The following U2SURP variants were observed in gnomAD, a reference collection of about 807,000 sequenced individuals.
U2SURP encodes U2 snRNP-associated SURP motif-containing protein.
U2SURP carries 9 observed loss-of-function variants against 144.9 expected under a neutral mutation model. That is an observed-to-expected ratio of 0.06 (90% CI 0.04 to 0.11). U2SURP has a LOEUF of 0.11. U2SURP is among the 10% of genes least tolerant of loss of function. The pLI, the probability that U2SURP is intolerant of heterozygous loss-of-function variation, is 1.00. For missense variants in U2SURP, 724 were observed against 1,226.7 expected, an observed-to-expected ratio of 0.59 and a Z score of 6.12; for synonymous variants, 408 against 396.8, an observed-to-expected ratio of 1.03 and a Z score of -0.33.
chr3:143,014,857 C>T (rs1363285420), intron 4 of U2SURP, among the ~76,000 whole-genome samples: 3 of 152,056 alleles, frequency 2.0e-5, no homozygotes, highest in East Asian at 1.9e-4. Context: ...AAAATTCTAT[C>T]GAGGGCATTT....
intron 22 of U2SURP, 121 bp from the exon 23 acceptor site, chr3:143,038,773 A>G (rs1933942719): frequency 1.6e-6 from 1 of 635,090 alleles, no homozygotes; most frequent in Admixed American, 4.0e-5. Context: ...ATTGATAAAC[A>G]TAGATTAAAA....
intron 21 of U2SURP, 94 bp from the exon 22 acceptor site, chr3:143,038,014 C>A: frequency 1.2e-6 from 1 of 803,270 alleles, no homozygotes; most frequent in Non-Finnish European, 1.8e-6. Context: ...CCTTATTTTA[C>A]TTTGCTTTTT....
intron 3 of U2SURP, 32 bp from the exon 4 acceptor site, chr3:143,014,279 C>G (rs376548935): frequency 2.1e-6 from 3 of 1,434,252 alleles, no homozygotes; most frequent in Non-Finnish European, 2.9e-6. Context: ...CATTAAGAAT[C>G]TATATGTAAA....
Position 143,037,355 on chromosome 3 carries a change from T to C in U2SURP, c.2221+20T>C. 6.2e-7 allele frequency: 1 copy of C among 1,605,846 alleles called. No individual in the cohort carries two copies. Among genetic ancestry groups the C allele is most frequent in the East Asian group, 2.2e-5 (1 of 44,792 alleles). On this transcript the variant is annotated intron_variant, in intron 21 of 27. Coordinates refer to ENST00000473835, the MANE Select transcript of U2SURP (RefSeq NM_001080415.2). ...TGCCTTGTAAGTTCAGATTTCAAAC[T>C]GATTAAATCTAGCTAATACATTTGG...
intron 6 of U2SURP, among the ~76,000 whole-genome samples, chr3:143,017,580 A>G (rs934903258): frequency 6.6e-6 from 1 of 152,154 alleles, no homozygotes; most frequent in Non-Finnish European, 1.5e-5. Flanking sequence ...CAATGAAAAA[A>G]AAACCCCAGC....
chr3:143,002,500 A>T (rs1935588912), intron 1 of U2SURP: 1 of 152,128 alleles, frequency 6.6e-6, no homozygotes, highest in Admixed American at 6.6e-5. Context: ...GGGACATTTA[A>T]TCGTTTTTTG....
intron 1 of U2SURP, among the ~76,000 whole-genome samples, chr3:143,008,538 A>G (rs1265393314): frequency 6.6e-6 from 1 of 152,256 alleles, no homozygotes; most frequent in African/African-American, 2.4e-5. Context: ...TTTAGGTGTC[A>G]TTGACATTAT....
At chr3:143,007,569 G>A (rs1487303895) in intron 1 of U2SURP, among the ~76,000 whole-genome samples, 1 of 151,432 alleles carries the variant, frequency 6.6e-6, no homozygotes, top group Non-Finnish European at 1.5e-5. Context: ...AGCCTCCCGA[G>A]TAGCTGGGAC....
intron 2 of U2SURP, chr3:143,011,817 T>TA: frequency 5.2e-6 from 2 of 388,100 alleles, no homozygotes; most frequent in Admixed American, 6.4e-5. Flanking sequence ...GTATAACACT[T>TA]ATGCTTACCA....
At position 143,053,810 on chromosome 3, in the gene U2SURP, T is replaced by C; in HGVS notation, c.2774+16T>C. 1.3e-6 allele frequency: 2 copies of C among 1,561,752 alleles called. No homozygotes were observed. Among genetic ancestry groups the C allele is most frequent in the African/African-American group, 1.4e-5 (1 of 72,566 alleles). On this transcript the variant is annotated intron_variant, in intron 26 of 27. Transcript: ENST00000473835. The stretch of plus-strand genomic sequence containing the variant: ...GGAAGGAAAGGTATAACATTTCTCA[T>C]ATTTAATTGCATATACTGGTTTCAA...
intron 24 of U2SURP, among the ~76,000 whole-genome samples, chr3:143,047,261 C>A (rs1311777752): frequency 8.3e-5 from 6 of 72,456 alleles, no homozygotes; most frequent in African/African-American, 5.5e-4. Flanking sequence ...GGCGGCCGGC[C>A]TGGCGGGGGG....
Position 143,014,345 on chromosome 3 carries a change from T to C in U2SURP, c.257T>C (p.Ile86Thr). 5 of 1,609,356 alleles carry C rather than the reference T, an allele frequency of 3.1e-6. No homozygotes were observed. Among genetic ancestry groups the C allele is most frequent in the Non-Finnish European group, 4.2e-6 (5 of 1,177,498 alleles). Reference sequence around the variant, plus strand: ...GAAAACAAACTTAAAGCATTCAGTATTGGAAAAATGAGTACAGCTAAGCGA... The same window carrying C: ...GAAAACAAACTTAAAGCATTCAGTACTGGAAAAATGAGTACAGCTAAGCGA... ...LLENKLKAFSIGKMSTAKRTL... is the reference protein window; with the variant it reads ...LLENKLKAFSTGKMSTAKRTL... Residue 86 changes from isoleucine (I) to threonine (T), a missense_variant, in exon 4 of 28, where the codon ATT (isoleucine) becomes ACT (threonine). Physicochemically the swap from Ile to Thr is moderately conservative, Grantham distance 89 (BLOSUM62 -1). This residue lies in a region of U2SURP where 115 missense variants were observed against 258.1 expected (regional missense o/e 0.45). Coordinates refer to ENST00000473835, the MANE Select transcript of U2SURP (RefSeq NM_001080415.2).
In U2SURP at chr3:143,021,488, C is replaced by T; in HGVS notation, c.785C>T (p.Ala262Val). 6.2e-7 allele frequency: 1 copy of T among 1,613,800 alleles called. No homozygotes were observed. The highest frequency in any genetic ancestry group is 2.2e-5 in the East Asian group (1 of 44,860). ...TCTGCCCTAGTTCTTGATGATTACG[C>T]ACCTGGCTCACATGATGTAGGAGAT... The part of the protein sequence containing the change: ...NRSSGVLDDY[A>V]PGSHDVGDPS... Residue 262 changes from alanine (A) to valine (V), a missense_variant, in exon 10 of 28, where the codon GCA becomes GTA. Coordinates refer to ENST00000473835, the MANE Select transcript of U2SURP (RefSeq NM_001080415.2).
intron 24 of U2SURP, among the ~76,000 whole-genome samples, chr3:143,047,029 G>A (rs1384578528): frequency 1.5e-5 from 2 of 137,130 alleles, no homozygotes; most frequent in African/African-American, 3.0e-5. Flanking sequence ...TGGATGGGGC[G>A]GCTGGCCAGG....
chr3:143,011,367 AAT>A (rs1431334086), intron 2 of U2SURP, among the ~76,000 whole-genome samples: 1 of 152,140 alleles, frequency 6.6e-6, no homozygotes, highest in Non-Finnish European at 1.5e-5. Context: ...GTATTTTTTT[AAT>A]ATATGTTATT....
chr3:143,002,255 C>G (rs761121510), intron 1 of U2SURP: 1 of 154,012 alleles, frequency 6.5e-6, no homozygotes, highest in Non-Finnish European at 1.4e-5. Flanking sequence ...ACAGTCTACA[C>G]GTGGTCTTTA....
chr3:143,035,917 A>G, intron 19 of U2SURP, 65 bp from the exon 20 acceptor site: 2 of 1,485,148 alleles, frequency 1.3e-6, no homozygotes, highest in Non-Finnish European at 1.8e-6. Context: ...GATCATTCTC[A>G]TGAACTGAAA....
intron 25 of U2SURP, among the ~76,000 whole-genome samples, chr3:143,051,374 G>A (rs1199570218): frequency 6.6e-6 from 1 of 152,036 alleles, no homozygotes; most frequent in Non-Finnish European, 1.5e-5. Context: ...ACCCTGAGAG[G>A]TAGTACAGAA....
At position 143,020,648 on chromosome 3, in the gene U2SURP, C is replaced by A. The variant is rs1578128488; in HGVS notation, c.688C>A (p.Arg230=). The change falls in exon 8 of 28, where the codon CGA becomes AGA. Residue 230 remains arginine, a synonymous_variant. Coordinates refer to ENST00000473835, the MANE Select transcript of U2SURP (RefSeq NM_001080415.2). ...ACATAAAACAAAAGGCAGATTAAGT[C>A]GATTTGAACCTCCTCAGTCAGATTC... ...ERHKTKGRLS[R]FEPPQSDSDG... The A allele has an allele frequency of 6.2e-7, 1 of 1,613,052 alleles. No homozygotes were observed. The highest frequency in any genetic ancestry group is 8.5e-7 in the Non-Finnish European group (1 of 1,179,476).
Sources: gnomAD v4.1 joint callset for allele counts (sites outside exome capture counted in the v4.1 genomes callset) on GRCh38, gnomAD v4.1.1 for gene constraint, gnomAD v4.1.1 regional missense constraint, MANE v1.5 for transcripts, NCBI Gene and HGNC (gene_info 2026-07-23, HGNC 2026-07-21) for gene names.